The following SEPTIN10 variants were observed in gnomAD, a reference collection of about 807,000 sequenced individuals.
SEPTIN10 encodes septin-10.
In SEPTIN10, 66 loss-of-function variants were observed where a neutral mutation model predicts 54.8. The ratio of observed to expected loss-of-function variants is 1.21; its 90% CI spans 0.99 to 1.48. The LOEUF (loss-of-function observed/expected upper bound fraction) is 1.48. Among genes scored for constraint, SEPTIN10 ranks in the 40% most tolerant of loss-of-function variants. The pLI, the probability that SEPTIN10 is intolerant of heterozygous loss-of-function variation, is 0.00. For synonymous variants in SEPTIN10, 161 were observed against 181.0 expected, an observed-to-expected ratio of 0.89 and a Z score of 0.89; for missense variants, 620 against 545.6, an observed-to-expected ratio of 1.14 and a Z score of -1.36.
intron 9 of SEPTIN10, 180 bp downstream of exon 9, chr2:109,552,907 T>C: frequency 1.5e-6 from 1 of 682,096 alleles, no homozygotes; most frequent in East Asian, 2.9e-5. Flanking sequence ...AGGCCAAAGT[T>C]TTCATTTAAT....
chr2:109,584,191 A>G (rs1691886795), intron 4 of SEPTIN10, among the ~76,000 whole-genome samples: 1 of 152,198 alleles, frequency 6.6e-6, no homozygotes, highest in South Asian at 2.1e-4. Context: ...AAAAATGGAA[A>G]TAAGACTGGG....
chr2:109,573,674 C>T (rs921304181), intron 5 of SEPTIN10, among the ~76,000 whole-genome samples: 1 of 152,214 alleles, frequency 6.6e-6, no homozygotes, highest in Non-Finnish European at 1.5e-5. Flanking sequence ...TAACCAGGAT[C>T]ATGAAAGCTT....
intron 1 of SEPTIN10, among the ~76,000 whole-genome samples, chr2:109,612,186 G>GA (rs1023250758): frequency 8.5e-4 from 123 of 143,960 alleles, no homozygotes; most frequent in Admixed American, 2.8e-3. Context: ...TTGCTGAGTT[G>GA]AAAAAAAAAA....
At chr2:109,562,518 T>C (rs1685941563) in intron 8 of SEPTIN10, among the ~76,000 whole-genome samples, 1 of 150,468 alleles carries the variant, frequency 6.6e-6, no homozygotes, top group Non-Finnish European at 1.5e-5. Flanking sequence ...GACAAACTAT[T>C]TGCTGAATGA....
chr2:109,597,797 G>A (rs1343206717), intron 1 of SEPTIN10, among the ~76,000 whole-genome samples: 2 of 152,176 alleles, frequency 1.3e-5, no homozygotes, highest in African/African-American at 4.8e-5. Context: ...GGAAAGTCTG[G>A]TGCTGCACCT....
intron 1 of SEPTIN10, 127 bp downstream of exon 1, chr2:109,613,671 C>T (rs6594046): frequency 3.3e-6 from 2 of 599,064 alleles, no homozygotes; most frequent in Non-Finnish European, 4.7e-6. Flanking sequence ...GAGCACTGGG[C>T]GGGCGGGGCC....
At position 109,549,831 on chromosome 2, in the gene SEPTIN10, G is replaced by A. The variant is rs534129225; in HGVS notation, c.1161+3256C>T. Among the ~76,000 whole-genome samples, 18 of 152,270 alleles carry A rather than the reference G, an allele frequency of 1.2e-4. No individual in the cohort carries two copies. The South Asian group carries it at 3.3e-3, about 28-fold the overall frequency. ...AAATAGAACAATTATAACAATGTAT[G>A]TAATAAAAGTTGTGTGAATGTGGTC... On this transcript the variant is annotated intron_variant, in intron 9 of 10. Transcript: ENST00000397712.
At chr2:109,598,804 A>G (rs1429492277) in intron 1 of SEPTIN10, among the ~76,000 whole-genome samples, 1 of 151,986 alleles carries the variant, frequency 6.6e-6, no homozygotes, top group Admixed American at 6.6e-5. Flanking sequence ...TGCTTGAACC[A>G]GGGAGGCGGA....
chr2:109,561,906 G>A (rs116562415), intron 8 of SEPTIN10, among the ~76,000 whole-genome samples: 1,563 of 152,108 alleles, frequency 0.01, 13 homozygotes, highest in Non-Finnish European at 0.017. Flanking sequence ...CATCACTTCA[G>A]GAGCCCAAGG....
At chr2:109,557,271 G>C (rs1684600704) in intron 8 of SEPTIN10, among the ~76,000 whole-genome samples, 1 of 152,126 alleles carries the variant, frequency 6.6e-6, no homozygotes, top group Non-Finnish European at 1.5e-5. Flanking sequence ...CACTTGAGTT[G>C]TTCACAAGGA....
intron 2 of SEPTIN10, among the ~76,000 whole-genome samples, chr2:109,590,516 C>G (rs1298040692): frequency 2.0e-5 from 3 of 152,134 alleles, no homozygotes; most frequent in South Asian, 2.1e-4. Context: ...ACTGCAACCT[C>G]TGCCTCCTGG....
intron 1 of SEPTIN10, among the ~76,000 whole-genome samples, chr2:109,601,594 A>G (rs575896920): frequency 4.6e-5 from 7 of 152,184 alleles, no homozygotes; most frequent in African/African-American, 1.7e-4. Flanking sequence ...TGTTTCTCTT[A>G]TTAGTAAGAG....
rs534013663 is a variant in SEPTIN10 at position 109,592,484 on chromosome 2, C to T, written c.99+567G>A. ...TGTCTCAAAAAACAAAAACAAACAACGAATGATAAAAAGAAATAGGGCTGG... is the reference window on the plus strand; with the variant it reads ...TGTCTCAAAAAACAAAAACAAACAATGAATGATAAAAAGAAATAGGGCTGG... On this transcript the variant is annotated intron_variant, in intron 2 of 10. Coordinates refer to ENST00000397712, the MANE Select transcript of SEPTIN10 (RefSeq NM_144710.5). Among the ~76,000 whole-genome samples, 6 of 137,254 alleles carry T rather than the reference C, an allele frequency of 4.4e-5. No individual in the cohort carries two copies. The East Asian group carries it at 6.7e-4, about 15-fold the overall frequency. The allele number at this position is 137,254 out of a possible 152,430, so 90.0% of individuals were successfully genotyped here. A position where few individuals can be genotyped will look rare whatever the true frequency, so the allele number is the denominator to read the frequency against.
At chr2:109,576,545 A>G (rs927791009) in intron 4 of SEPTIN10, among the ~76,000 whole-genome samples, 1 of 152,218 alleles carries the variant, frequency 6.6e-6, no homozygotes, top group Non-Finnish European at 1.5e-5. Flanking sequence ...ATGTGACCCA[A>G]TAGGATTTAC....
At chr2:109,599,444 C>T (rs1321539968) in intron 1 of SEPTIN10, among the ~76,000 whole-genome samples, 1 of 117,210 alleles carries the variant, frequency 8.5e-6, no homozygotes, top group Admixed American at 1.1e-4. Flanking sequence ...GGCAAAAGAG[C>T]AAGACTCAGT....
intron 1 of SEPTIN10, among the ~76,000 whole-genome samples, chr2:109,595,886 G>T (rs891366406): frequency 2.6e-5 from 4 of 152,134 alleles, no homozygotes. Context: ...GAGGAGGGTA[G>T]AACATTCCAT....
chr2:109,598,372 A>C (rs1259958407), intron 1 of SEPTIN10, among the ~76,000 whole-genome samples: 1 of 152,000 alleles, frequency 6.6e-6, no homozygotes, highest in Non-Finnish European at 1.5e-5. Context: ...CCGGCCCTAT[A>C]ATCACTTGAC....
chr2:109,607,792 C>T (rs893975404), intron 1 of SEPTIN10, among the ~76,000 whole-genome samples: 1 of 152,152 alleles, frequency 6.6e-6, no homozygotes, highest in Admixed American at 6.6e-5. Flanking sequence ...CCTGTGTTCA[C>T]CCCTAGGGAA....
intron 1 of SEPTIN10, among the ~76,000 whole-genome samples, chr2:109,598,021 C>A (rs559278918): frequency 6.6e-6 from 1 of 152,148 alleles, no homozygotes; most frequent in Non-Finnish European, 1.5e-5. Flanking sequence ...GACCAATGAG[C>A]CTCAGGAAAC....
Sources: gnomAD v4.1 joint callset for allele counts (sites outside exome capture counted in the v4.1 genomes callset) on GRCh38, gnomAD v4.1.1 for gene constraint, MANE v1.5 for transcripts, NCBI Gene and HGNC (gene_info 2026-07-23, HGNC 2026-07-21) for gene names.